Variants in KIN observed in about 807,000 individuals in gnomAD.
KIN encodes the protein Kin17 DNA and RNA binding protein.
Under a neutral mutation model 63.0 loss-of-function variants are expected in KIN, and 47 were observed. That is an observed-to-expected ratio of 0.75 (90% CI 0.59 to 0.95). The LOEUF is 0.95. KIN is among the 40% of genes least tolerant of loss of function. KIN has a pLI of 0.00. For synonymous variants in KIN, 160 were observed against 157.7 expected (o/e 1.01, Z -0.11); for missense variants, 408 against 460.9 (o/e 0.89, Z 1.05).
Position 7,778,980 on chromosome 10 carries a change from A to C in KIN, c.416T>G (p.Ile139Ser), listed in dbSNP as rs769696555. 2 of 1,613,980 alleles carry C rather than the reference A, an allele frequency of 1.2e-6. No individual in the cohort carries two copies. The highest frequency in any genetic ancestry group is 1.7e-6 in the Non-Finnish European group (2 of 1,180,014). ...TTCTGGGTCCCTGTCTATGTACTGA[A>C]TATACCAGCCTTTTGGTGTCTCGTC... is the stretch of plus-strand genomic sequence containing the variant. ...KVDETPKGWYIQYIDRDPETI... is the reference protein window; with the variant it reads ...KVDETPKGWYSQYIDRDPETI... The change falls in exon 5 of 13, where the codon ATT (isoleucine) becomes AGT (serine). Residue 139 changes from isoleucine (I) to serine (S), a missense_variant. This residue lies in a region of KIN where 298 missense variants were observed against 296.0 expected (regional missense o/e 1.01). Transcript: ENST00000379562.
At position 7,755,477 on chromosome 10, in the gene KIN, G is replaced by A. The variant is rs2130979211; in HGVS notation, c.*603C>T. 6.6e-6 allele frequency: 1 copy of A among 152,334 alleles called. No individual in the cohort carries two copies. The allele number at this position is 152,334 out of a possible 1,614,324, so 9.4% of individuals were successfully genotyped here. A position where few individuals can be genotyped will look rare whatever the true frequency, so the allele number is the denominator to read the frequency against. ...AGAGACAGAAAGTACATTAGTGGCT[G>A]TCTAGGGCTAGGGCAGAGGGGAAAA... On this transcript the variant is annotated 3_prime_UTR_variant, in exon 13 of 13. Coordinates refer to ENST00000379562, the MANE Select transcript of KIN (RefSeq NM_012311.4).
At chr10:7,761,805 C>G (rs1037412586) in intron 11 of KIN, among the ~76,000 whole-genome samples, 5 of 151,984 alleles carry the variant, frequency 3.3e-5, no homozygotes, top group East Asian at 1.9e-4. Context: ...AGTCTGAGAC[C>G]AGCCTGGCCA....
intron 5 of KIN, among the ~76,000 whole-genome samples, chr10:7,776,018 G>A (rs892154957): frequency 1.3e-5 from 2 of 151,962 alleles, no homozygotes; most frequent in African/African-American, 4.8e-5. Context: ...CATGAGGTCA[G>A]TAGTTCGAGA....
chr10:7,779,960 T>C, intron 4 of KIN, 96 bp downstream of exon 4: 1 of 1,339,340 alleles, frequency 7.5e-7, no homozygotes, highest in South Asian at 1.3e-5. Context: ...AGCAAAACAC[T>C]GACCCAATTT....
At position 7,753,478 on chromosome 10, in the gene KIN, G is replaced by C. The variant is rs1163578383; in HGVS notation, c.*2602C>G. ...TTCAGACCAGATTCTTAGTAGTCCA[G>C]GCTCAACTTCTTGGCTTCATTTCTG... On this transcript the variant is annotated 3_prime_UTR_variant, in exon 13 of 13. Transcript: ENST00000379562. The C allele has an allele frequency of 6.6e-6, 1 of 152,168 alleles. No homozygotes were observed. Among genetic ancestry groups the C allele is most frequent in the Non-Finnish European group, 1.5e-5 (1 of 68,058 alleles). 9.4% of individuals were successfully genotyped at this position (152,168 alleles called of 1,614,324 possible).
chr10:7,769,078 G>A (rs1231727433), intron 8 of KIN, 138 bp downstream of exon 8: 2 of 668,188 alleles, frequency 3.0e-6, no homozygotes, highest in East Asian at 5.9e-5. Context: ...TCCAGTTCGG[G>A]GAACTGTATG....
chr10:7,779,882 A>T (rs1234178320), intron 4 of KIN, among the ~76,000 whole-genome samples, 174 bp downstream of exon 4: 1 of 152,246 alleles, frequency 6.6e-6, no homozygotes, highest in Non-Finnish European at 1.5e-5. Context: ...TCCAACAGTT[A>T]TATGATGTTC....
chr10:7,764,331 G>T (rs1346667436), intron 9 of KIN, among the ~76,000 whole-genome samples: 1 of 152,164 alleles, frequency 6.6e-6, no homozygotes, highest in East Asian at 1.9e-4. Context: ...TAAAGGTATT[G>T]TTCTTCTGAC....
At chr10:7,782,020 T>C (rs1317204547) in intron 2 of KIN, among the ~76,000 whole-genome samples, 1 of 152,168 alleles carries the variant, frequency 6.6e-6, no homozygotes, top group Non-Finnish European at 1.5e-5. Context: ...ATGGTGCCAC[T>C]GCACTCCAGC....
At chr10:7,781,338 G>C (rs1024166590) in intron 2 of KIN, among the ~76,000 whole-genome samples, 1 of 152,194 alleles carries the variant, frequency 6.6e-6, no homozygotes, top group Non-Finnish European at 1.5e-5. Flanking sequence ...AGTGAGGGTA[G>C]AGTAGAATAA....
At chr10:7,769,156 G>T (rs1267856912) in intron 8 of KIN, 60 bp downstream of exon 8, 40 of 1,456,570 alleles carry the variant, frequency 2.7e-5, no homozygotes, top group Admixed American at 4.3e-5. Context: ...CTAATAAATG[G>T]TGAAATGATT....
At chr10:7,785,223 G>A (rs1411166582) in intron 1 of KIN, among the ~76,000 whole-genome samples, 1 of 148,416 alleles carries the variant, frequency 6.7e-6, no homozygotes, top group Non-Finnish European at 1.5e-5. Context: ...CTGTACACGA[G>A]CCTGGGCTAC....
chr10:7,766,454 A>G (rs563111283), intron 8 of KIN: 1 of 223,556 alleles, frequency 4.5e-6, no homozygotes, highest in East Asian at 1.4e-4. Context: ...TTCATGCAGT[A>G]AAATCATAAC....
In KIN at chr10:7,752,627, A is replaced by T. The variant is rs1835260772; in HGVS notation, c.*3453T>A. 6.6e-6 allele frequency: 1 copy of T among 152,258 alleles called. No individual in the cohort carries two copies. Among genetic ancestry groups the T allele is most frequent in the African/African-American group, 2.4e-5 (1 of 41,464 alleles). The allele number at this position is 152,258 out of a possible 1,614,324, so 9.4% of individuals were successfully genotyped here. The stretch of plus-strand genomic sequence containing the variant: ...AAACCTGCGCACAGATGTTTGTAGC[A>T]GCTTTACTCATAATTTCCAAACCTT... On this transcript the variant is annotated 3_prime_UTR_variant, in exon 13 of 13. Coordinates refer to ENST00000379562, the MANE Select transcript of KIN (RefSeq NM_012311.4).
At chr10:7,766,017 C>T in intron 9 of KIN, 36 bp downstream of exon 9, 1 of 1,506,538 alleles carries the variant, frequency 6.6e-7, no homozygotes. Context: ...CTTAAACATA[C>T]ATTTAGAACT....
Position 7,762,517 on chromosome 10 carries a change from C to T in KIN, c.958G>A (p.Asp320Asn). 1 of 1,611,514 alleles carries T rather than the reference C, an allele frequency of 6.2e-7. No homozygotes were observed. The highest frequency in any genetic ancestry group is 8.5e-7 in the Non-Finnish European group (1 of 1,178,316). ...DKYTAVVKMI[D>N]SGDKLKLDQT... ...TCAAGTTTCAGCTTGTCTCCAGAATCAATCATCTTCACAACAGCTGTATAT... is the reference window on the plus strand; with the variant it reads ...TCAAGTTTCAGCTTGTCTCCAGAATTAATCATCTTCACAACAGCTGTATAT... Residue 320 changes from aspartate (D) to asparagine (N), a missense_variant, in exon 11 of 13, where the codon GAT (aspartate) becomes AAT (asparagine). Asp to Asn is a conservative substitution (Grantham distance 23, BLOSUM62 1). This residue lies in a region of KIN where 298 missense variants were observed against 296.0 expected (regional missense o/e 1.01). Coordinates refer to ENST00000379562, the MANE Select transcript of KIN (RefSeq NM_012311.4).
intron 9 of KIN, among the ~76,000 whole-genome samples, chr10:7,764,542 A>G (rs1835501102): frequency 6.6e-6 from 1 of 152,264 alleles, no homozygotes; most frequent in African/African-American, 2.4e-5. Context: ...ATGGTCAAGT[A>G]TTTCATAAAG....
intron 1 of KIN, 138 bp downstream of exon 1, chr10:7,787,682 G>A (rs1043824538): frequency 1.5e-6 from 1 of 679,414 alleles, no homozygotes; most frequent in East Asian, 2.6e-5. Context: ...TAGTTGACTC[G>A]CCCACTGCAG....
chr10:7,751,585 C>G lies in KIN; in HGVS notation c.*4495G>C, dbSNP rs1354372763. On this transcript the variant is annotated 3_prime_UTR_variant, in exon 13 of 13. Transcript: ENST00000379562. Reference sequence around the variant, plus strand: ...AATAAAAATAAAGATAAACTTAGTGCTGAAGAGGTAAATAGCACTACCTCT... The same window carrying G: ...AATAAAAATAAAGATAAACTTAGTGGTGAAGAGGTAAATAGCACTACCTCT... The G allele has an allele frequency of 2.0e-5, 3 of 152,080 alleles. No individual in the cohort carries two copies. The highest frequency in any genetic ancestry group is 4.8e-5 in the African/African-American group (2 of 41,416). The allele number at this position is 152,080 out of a possible 1,614,324, so 9.4% of individuals were successfully genotyped here. A position where few individuals can be genotyped will look rare whatever the true frequency, so the allele number is the denominator to read the frequency against.
Sources: allele counts gnomAD v4.1 joint callset (sites outside exome capture counted in the v4.1 genomes callset), GRCh38; gene constraint gnomAD v4.1.1; regional missense constraint gnomAD v4.1.1; transcripts MANE v1.5; gene names NCBI Gene and HGNC (gene_info 2026-07-23, HGNC 2026-07-21).